Variants in PCP4 observed in about 807,000 individuals in gnomAD.
PCP4 encodes Purkinje cell protein 4, also known as calmodulin regulator protein PCP4.
A neutral mutation model predicts 10.0 loss-of-function variants in PCP4; 8 were observed. The ratio of observed to expected loss-of-function variants is 0.80; its 90% CI spans 0.47 to 1.45. PCP4 has a LOEUF of 1.45. Among genes scored for constraint, PCP4 ranks in the 40% most tolerant of loss-of-function variants. The pLI is 0.00. For missense variants in PCP4, 54 were observed against 74.4 expected (o/e 0.73, Z 1.01); for synonymous variants, 21 against 23.0 (o/e 0.91, Z 0.24).
intron 1 of PCP4, among the ~76,000 whole-genome samples, chr21:39,874,639 T>G (rs899672674): frequency 6.8e-6 from 1 of 147,684 alleles, no homozygotes; most frequent in Non-Finnish European, 1.5e-5. Context: ...AATAATATAA[T>G]TTCTTCCTTT....
chr21:39,880,130 G>GTATCTA (rs57501558), intron 1 of PCP4, among the ~76,000 whole-genome samples: 24,681 of 141,390 alleles, frequency 0.17, 2,468 homozygotes, highest in Non-Finnish European at 0.21. Context: ...ATCTATATCT[G>GTATCTA]TATCTATATC....
rs926623542 is a variant in PCP4 at position 39,872,120 on chromosome 21, T to A, written c.9+4610T>A. ...TTCAAGCAATTCTCCTGTCTCAGCC[T>A]CCTGAGTAGCTGGGACTATAGGCTC... On this transcript the variant is annotated intron_variant, in intron 1 of 2. Transcript: ENST00000328619. Among the ~76,000 whole-genome samples, 9 of 152,248 alleles carry A rather than the reference T, an allele frequency of 5.9e-5. No homozygotes were observed. In the East Asian group the frequency reaches 1.7e-3, roughly 29 times the overall value.
At chr21:39,882,285 T>C (rs1386319411) in intron 1 of PCP4, among the ~76,000 whole-genome samples, 1 of 152,230 alleles carries the variant, frequency 6.6e-6, no homozygotes, top group East Asian at 1.9e-4. Context: ...GGCTCAACCG[T>C]GGCAGAGCCA....
At chr21:39,886,725 C>T (rs564758900) in intron 1 of PCP4, among the ~76,000 whole-genome samples, 1 of 152,272 alleles carries the variant, frequency 6.6e-6, no homozygotes, top group African/African-American at 2.4e-5. Flanking sequence ...TTAGAAGAGT[C>T]CACACAGAAG....
intron 1 of PCP4, among the ~76,000 whole-genome samples, chr21:39,873,331 G>A (rs1051497565): frequency 6.6e-6 from 1 of 151,810 alleles, no homozygotes; most frequent in East Asian, 1.9e-4. Context: ...TCTAGCACGC[G>A]GAAAGCAAGT....
chr21:39,918,130 A>G (rs901658468), intron 2 of PCP4, among the ~76,000 whole-genome samples: 3 of 152,250 alleles, frequency 2.0e-5, no homozygotes, highest in Non-Finnish European at 2.9e-5. Context: ...TTGTCATGAT[A>G]GCCTAAGCAA....
At chr21:39,926,073 C>T in intron 2 of PCP4, 1 of 456,222 alleles carries the variant, frequency 2.2e-6, no homozygotes, top group Non-Finnish European at 4.4e-6. Context: ...CTTCCTTACA[C>T]ACTCCTGACT....
intron 1 of PCP4, among the ~76,000 whole-genome samples, chr21:39,882,318 T>C (rs1178612702): frequency 1.3e-5 from 2 of 152,230 alleles, no homozygotes; most frequent in Non-Finnish European, 2.9e-5. Context: ...TGAGAGATCA[T>C]TCAGGATGGA....
intron 2 of PCP4, among the ~76,000 whole-genome samples, chr21:39,927,864 CA>C (rs1416865537): frequency 6.6e-6 from 1 of 152,110 alleles, no homozygotes; most frequent in Non-Finnish European, 1.5e-5. Flanking sequence ...ACGGATTTCT[CA>C]ACATCCATCT....
chr21:39,871,052 C>T (rs376106460), intron 1 of PCP4, among the ~76,000 whole-genome samples: 32 of 152,136 alleles, frequency 2.1e-4, no homozygotes, highest in African/African-American at 1.9e-4. Context: ...TTAATGTATA[C>T]GTTAAAACGT....
chr21:39,926,820 C>T (rs1367917783), intron 2 of PCP4, among the ~76,000 whole-genome samples: 3 of 152,160 alleles, frequency 2.0e-5, no homozygotes, highest in Non-Finnish European at 4.4e-5. Flanking sequence ...CCTTATTTTT[C>T]TCCAAAGAAA....
chr21:39,876,549 G>A (rs1473393185), intron 1 of PCP4, among the ~76,000 whole-genome samples: 1 of 152,134 alleles, frequency 6.6e-6, no homozygotes, highest in Non-Finnish European at 1.5e-5. Context: ...GAACTGCAAG[G>A]TATCACATGA....
intron 1 of PCP4, among the ~76,000 whole-genome samples, chr21:39,897,632 A>G (rs965162366): frequency 6.6e-6 from 1 of 152,210 alleles, no homozygotes; most frequent in African/African-American, 2.4e-5. Context: ...AAAAGACTTC[A>G]TACTTCTAGT....
chr21:39,875,826 G>A (rs765246913), intron 1 of PCP4, among the ~76,000 whole-genome samples: 66 of 152,138 alleles, frequency 4.3e-4, no homozygotes, highest in Admixed American at 2.6e-4. Context: ...GTATACATGC[G>A]AATATGCCAA....
intron 1 of PCP4, among the ~76,000 whole-genome samples, chr21:39,880,846 T>A (rs1226653203): frequency 7.2e-5 from 11 of 152,236 alleles, no homozygotes; most frequent in African/African-American, 2.7e-4. Context: ...GTAAGTGCCT[T>A]GTCCCTGGAA....
intron 2 of PCP4, among the ~76,000 whole-genome samples, chr21:39,904,559 G>C (rs2087497289): frequency 6.6e-6 from 1 of 152,206 alleles, no homozygotes. Flanking sequence ...TTGCTCCTGG[G>C]CACAGGGTGG....
At chr21:39,901,538 G>T (rs1166484470) in intron 2 of PCP4, among the ~76,000 whole-genome samples, 1 of 152,194 alleles carries the variant, frequency 6.6e-6, no homozygotes, top group Non-Finnish European at 1.5e-5. Context: ...GCCATTTTCT[G>T]CCATTCAAAG....
intron 1 of PCP4, 188 bp from the exon 2 acceptor site, chr21:39,898,288 G>A (rs1003190471): frequency 2.9e-6 from 2 of 683,764 alleles, no homozygotes; most frequent in Admixed American, 4.1e-5. Flanking sequence ...GCCGGTCTGT[G>A]CAGCTTCAGT....
At chr21:39,901,778 A>T (rs886564558) in intron 2 of PCP4, among the ~76,000 whole-genome samples, 3 of 152,216 alleles carry the variant, frequency 2.0e-5, no homozygotes, top group Admixed American at 6.5e-5. Context: ...AATTATTATT[A>T]ACATGCTATA....
Sources: allele counts gnomAD v4.1 joint callset (sites outside exome capture counted in the v4.1 genomes callset), GRCh38; gene constraint gnomAD v4.1.1; transcripts MANE v1.5; gene names NCBI Gene and HGNC (gene_info 2026-07-23, HGNC 2026-07-21).